Variants in CHCHD6 observed in about 807,000 individuals in gnomAD.
The protein encoded by CHCHD6 is coiled-coil-helix-coiled-coil-helix domain containing 6.
In CHCHD6, 28 loss-of-function variants were observed where a neutral mutation model predicts 32.3. The ratio of observed to expected loss-of-function variants is 0.87; its 90% confidence interval spans 0.64 to 1.19. The LOEUF (loss-of-function observed/expected upper bound fraction) is 1.19. Among genes scored for constraint, CHCHD6 ranks in the 50% most tolerant of loss-of-function variants. The pLI is 0.00. For synonymous variants in CHCHD6, 122 were observed against 117.5 expected (o/e 1.04, Z -0.25); for missense variants, 333 against 307.0 (o/e 1.08, Z -0.63).
At chr3:126,763,882 T>G (rs1937254576) in intron 4 of CHCHD6, among the ~76,000 whole-genome samples, 2 of 152,096 alleles carry the variant, frequency 1.3e-5, no homozygotes, top group African/African-American at 4.8e-5. Flanking sequence ...GTTTTAGAAA[T>G]GGATAGTGGT....
At chr3:126,863,104 T>A (rs1301707092) in intron 5 of CHCHD6, among the ~76,000 whole-genome samples, 1 of 15,940 alleles carries the variant, frequency 6.3e-5, no homozygotes. Flanking sequence ...CATCACCACC[T>A]CCTCCTCCTC....
At chr3:126,883,859 C>G (rs2077644934) in intron 5 of CHCHD6, among the ~76,000 whole-genome samples, 1 of 152,168 alleles carries the variant, frequency 6.6e-6, no homozygotes, top group African/African-American at 2.4e-5. Flanking sequence ...TTCAAAGCCC[C>G]CAAACATCAG....
At chr3:126,786,187 A>G (rs1233765129) in intron 4 of CHCHD6, among the ~76,000 whole-genome samples, 1 of 152,184 alleles carries the variant, frequency 6.6e-6, no homozygotes, top group Non-Finnish European at 1.5e-5. Flanking sequence ...ATAGTATTCC[A>G]TGGTGTATAT....
At chr3:126,797,695 G>A (rs1261741671) in intron 4 of CHCHD6, among the ~76,000 whole-genome samples, 2 of 152,164 alleles carry the variant, frequency 1.3e-5, no homozygotes, top group Non-Finnish European at 2.9e-5. Context: ...GTGAAAGTCA[G>A]CCTCCCTCTC....
rs76263394 is a variant in CHCHD6, at chr3:126,775,993, G to A, written c.411+42771G>A. ...ATTCGCTGAGTGCCAGCCAGGCCCA[G>A]CATCACGGAGACCAGTGTGGAAGGT... is the stretch of plus-strand genomic sequence containing the variant. On this transcript the variant is annotated intron_variant, in intron 4 of 7. Transcript: ENST00000290913. 5.1e-3 allele frequency among the ~76,000 whole-genome samples: 778 copies of A among 152,310 alleles called. 8 individuals are homozygous for A. The highest frequency in any genetic ancestry group is 0.018 in the African/African-American group (745 of 41,578).
intron 4 of CHCHD6, among the ~76,000 whole-genome samples, chr3:126,819,036 G>A (rs1192430301): frequency 2.0e-5 from 3 of 152,172 alleles, no homozygotes; most frequent in Non-Finnish European, 2.9e-5. Context: ...AGGGGCCTCC[G>A]CTTCCACTGG....
intron 4 of CHCHD6, among the ~76,000 whole-genome samples, chr3:126,735,613 A>G (rs1936009881): frequency 6.6e-6 from 1 of 152,138 alleles, no homozygotes; most frequent in African/African-American, 2.4e-5. Context: ...CTTGCACCTC[A>G]TGCCTGAGGA....
chr3:126,912,805 A>G (rs2078110226), intron 5 of CHCHD6, among the ~76,000 whole-genome samples: 1 of 152,176 alleles, frequency 6.6e-6, no homozygotes, highest in African/African-American at 2.4e-5. Flanking sequence ...GCAGCAGGGG[A>G]GTCCTTGGGG....
intron 4 of CHCHD6, among the ~76,000 whole-genome samples, chr3:126,777,224 G>T (rs953840277): frequency 7.3e-6 from 1 of 136,316 alleles, no homozygotes; most frequent in Non-Finnish European, 1.6e-5. Context: ...AAGGTATTCA[G>T]ACTTCAAATC....
chr3:126,947,528 A>G (rs977390030), intron 6 of CHCHD6, among the ~76,000 whole-genome samples: 8 of 151,584 alleles, frequency 5.3e-5, no homozygotes, highest in African/African-American at 1.9e-4. Flanking sequence ...AGCACACTCC[A>G]CTCTTCCTAT....
At chr3:126,912,316 C>G (rs2078102177) in intron 5 of CHCHD6, among the ~76,000 whole-genome samples, 1 of 152,140 alleles carries the variant, frequency 6.6e-6, no homozygotes, top group Non-Finnish European at 1.5e-5. Context: ...GTTGTTATGT[C>G]TCTGTCCCTA....
At chr3:126,935,814 A>G (rs1373624514) in intron 6 of CHCHD6, among the ~76,000 whole-genome samples, 1 of 152,274 alleles carries the variant, frequency 6.6e-6, no homozygotes, top group African/African-American at 2.4e-5. Flanking sequence ...GTGATTATAC[A>G]GCATAGCAAA....
intron 4 of CHCHD6, among the ~76,000 whole-genome samples, chr3:126,802,374 CT>C (rs1480346696): frequency 2.0e-5 from 3 of 152,150 alleles, no homozygotes; most frequent in Non-Finnish European, 4.4e-5. Flanking sequence ...CTTAAAGGAG[CT>C]GATGGAGCTG....
intron 6 of CHCHD6, among the ~76,000 whole-genome samples, chr3:126,953,515 A>G (rs9790195): frequency 0.57 from 86,001 of 152,076 alleles, 26,404 homozygotes; most frequent in Non-Finnish European, 0.69. Context: ...ACCCCACTCC[A>G]GACCCTGGCC....
chr3:126,912,745 G>A (rs1452637238), intron 5 of CHCHD6, among the ~76,000 whole-genome samples: 3 of 152,332 alleles, frequency 2.0e-5, no homozygotes, highest in East Asian at 3.9e-4. Flanking sequence ...TTCCCCAGGG[G>A]CTCACCTTCC....
chr3:126,706,693 G>A (rs1197317409), intron 1 of CHCHD6, among the ~76,000 whole-genome samples: 2 of 152,066 alleles, frequency 1.3e-5, no homozygotes, highest in Non-Finnish European at 2.9e-5. Context: ...GAAGAAAGGA[G>A]GTGATGGTAT....
At position 126,869,334 on chromosome 3, in the gene CHCHD6, T is replaced by A. The variant is rs952004424; in HGVS notation, c.495+16604T>A. 2.0e-5 allele frequency among the ~76,000 whole-genome samples: 3 copies of A among 147,590 alleles called. No homozygotes were observed. In the Admixed American group the frequency reaches 2.1e-4, roughly 10 times the overall value. ...TTGATGACTGTGATGGGGATTACCG[T>A]TATTTAATCATTTCCTGTGGATGGA... On this transcript the variant is annotated intron_variant, in intron 5 of 7. Transcript: ENST00000290913.
At chr3:126,864,545 ACCTCCT>A (rs922012066) in intron 5 of CHCHD6, among the ~76,000 whole-genome samples, 10 of 112,160 alleles carry the variant, frequency 8.9e-5, no homozygotes, top group African/African-American at 1.4e-4. Flanking sequence ...CTCCTTCTCC[ACCTCCT>A]CCTCCTCCTC....
At chr3:126,748,631 A>G (rs1487505286) in intron 4 of CHCHD6, among the ~76,000 whole-genome samples, 1 of 151,720 alleles carries the variant, frequency 6.6e-6, no homozygotes, top group East Asian at 1.9e-4. Context: ...AGAAATTACC[A>G]TGATCTTCTT....
Sources: allele counts gnomAD v4.1 joint callset (sites outside exome capture counted in the v4.1 genomes callset), GRCh38; gene constraint gnomAD v4.1.1; transcripts MANE v1.5; gene names NCBI Gene and HGNC (gene_info 2026-07-23, HGNC 2026-07-21).